The following NUP210L variants were observed in gnomAD, a reference collection of about 807,000 sequenced individuals.
The protein encoded by NUP210L is nuclear pore membrane glycoprotein 210-like.
A neutral mutation model predicts 208.5 loss-of-function variants in NUP210L; 74 were observed. The ratio of observed to expected loss-of-function variants is 0.35; its 90% CI spans 0.29 to 0.43. The LOEUF is 0.43. Ranked by LOEUF, NUP210L falls within the 20% of genes least tolerant of loss-of-function variation. NUP210L has a pLI of 1.00. For missense variants in NUP210L, 1,843 were observed against 2,289.4 expected, an observed-to-expected ratio of 0.81 and a Z score of 3.98; for synonymous variants, 780 against 816.9, an observed-to-expected ratio of 0.95 and a Z score of 0.77.
At chr1:154,100,418 C>G (rs1171070653) in intron 13 of NUP210L, among the ~76,000 whole-genome samples, 1 of 150,316 alleles carries the variant, frequency 6.7e-6, no homozygotes, top group Non-Finnish European at 1.5e-5. Flanking sequence ...ACCACTACAC[C>G]CCAGCCTGGG....
At chr1:154,132,798 A>G (rs553300193) in intron 7 of NUP210L, among the ~76,000 whole-genome samples, 118 of 152,346 alleles carry the variant, frequency 7.7e-4, no homozygotes, top group African/African-American at 2.7e-3. Context: ...CCTTAAAATG[A>G]CTAAAAAGCA....
intron 36 of NUP210L, among the ~76,000 whole-genome samples, chr1:154,001,364 A>G (rs1650202509): frequency 6.6e-6 from 1 of 152,012 alleles, no homozygotes; most frequent in Admixed American, 6.6e-5. Context: ...CGTCCAGCTA[A>G]TTTTTGTACT....
chr1:154,007,347 C>T (rs1231929382), intron 35 of NUP210L, among the ~76,000 whole-genome samples: 1 of 149,520 alleles, frequency 6.7e-6, no homozygotes, highest in Non-Finnish European at 1.5e-5. Context: ...ACCGCAACCT[C>T]CACTTCCTGG....
intron 10 of NUP210L, among the ~76,000 whole-genome samples, chr1:154,126,025 C>T (rs1416174901): frequency 6.6e-6 from 1 of 151,788 alleles, no homozygotes; most frequent in African/African-American, 2.4e-5. Context: ...GCCTCGGCCT[C>T]CCAAAGTGCT....
intron 27 of NUP210L, 105 bp from the exon 28 acceptor site, chr1:154,030,159 A>C: frequency 1.3e-6 from 1 of 793,388 alleles, no homozygotes; most frequent in Non-Finnish European, 1.8e-6. Context: ...ATTAAAAATA[A>C]AAAGTCAGGA....
chr1:153,998,272 C>T (rs1046087546), intron 37 of NUP210L, among the ~76,000 whole-genome samples: 1 of 151,966 alleles, frequency 6.6e-6, no homozygotes. Context: ...TAAAGATGCA[C>T]GGCCAGGCGC....
chr1:154,023,153 G>A, exon 31 of NUP210L: 1 of 1,613,988 alleles, frequency 6.2e-7, no homozygotes, highest in South Asian at 1.1e-5. Context: ...TGGGTATTGT[G>A]TGTGTGGAAT....
intron 27 of NUP210L, among the ~76,000 whole-genome samples, chr1:154,030,748 T>C (rs1364129694): frequency 6.6e-6 from 1 of 151,668 alleles, no homozygotes; most frequent in East Asian, 1.9e-4. Context: ...TGGTTTTTTT[T>C]TGAGACAGGG....
intron 12 of NUP210L, among the ~76,000 whole-genome samples, chr1:154,108,642 A>C (rs1354360210): frequency 2.0e-5 from 3 of 151,736 alleles, no homozygotes; most frequent in African/African-American, 4.9e-5. Flanking sequence ...AATCACCTTC[A>C]CAAAAAGGAA....
intron 23 of NUP210L, among the ~76,000 whole-genome samples, chr1:154,055,663 T>C (rs1653828415): frequency 6.6e-6 from 1 of 152,180 alleles, no homozygotes; most frequent in African/African-American, 2.4e-5. Flanking sequence ...CTCAAAGTGC[T>C]GGGATTACAG....
chr1:154,043,717 C>T (rs1479099736), intron 27 of NUP210L, among the ~76,000 whole-genome samples: 1 of 151,354 alleles, frequency 6.6e-6, no homozygotes, highest in African/African-American at 2.4e-5. Context: ...ACCTGCACCT[C>T]CTGAGTTCAA....
chr1:154,143,695 T>C, intron 2 of NUP210L, 118 bp from the exon 3 acceptor site: 1 of 806,088 alleles, frequency 1.2e-6, no homozygotes, highest in African/African-American at 1.7e-5. Flanking sequence ...GACTGCTGCT[T>C]TTACCTATGG....
intron 38 of NUP210L, among the ~76,000 whole-genome samples, chr1:153,993,567 G>GAAA (rs1211758853): frequency 8.1e-6 from 1 of 122,872 alleles, no homozygotes; most frequent in Non-Finnish European, 1.8e-5. Context: ...CTCTGTCTCA[G>GAAA]AAAAAAAAAA....
intron 27 of NUP210L, among the ~76,000 whole-genome samples, chr1:154,041,127 CCTA>C (rs1652849810): frequency 6.6e-6 from 1 of 151,776 alleles, no homozygotes; most frequent in Admixed American, 6.6e-5. Context: ...ACCACACCTA[CCTA>C]ATTTTAAAAC....
At chr1:154,065,990 A>G (rs1203856628) in intron 17 of NUP210L, among the ~76,000 whole-genome samples, 1 of 151,936 alleles carries the variant, frequency 6.6e-6, no homozygotes, top group Non-Finnish European at 1.5e-5. Context: ...GCACAACTAC[A>G]TGATGGAAAC....
chr1:154,034,391 A>C (rs758060790), intron 27 of NUP210L, among the ~76,000 whole-genome samples: 2 of 152,022 alleles, frequency 1.3e-5, no homozygotes, highest in Non-Finnish European at 2.9e-5. Flanking sequence ...GTGCAGTGGC[A>C]TGATCTTGGC....
At chr1:154,068,767 T>C (rs548725487) in intron 17 of NUP210L, among the ~76,000 whole-genome samples, 18 of 151,828 alleles carry the variant, frequency 1.2e-4, no homozygotes, top group African/African-American at 2.2e-4. Context: ...TAGGTGGGAA[T>C]TGAACAATGA....
At chr1:154,012,198 C>T (rs374815349) in intron 34 of NUP210L, 46 bp downstream of exon 34, 40 of 1,586,086 alleles carry the variant, frequency 2.5e-5, no homozygotes, top group East Asian at 1.1e-4. Flanking sequence ...TGAGGGAAAA[C>T]GAGAAAGATA....
chr1:154,104,055 A>G (rs749311244), exon 13 of NUP210L: 2 of 1,614,100 alleles, frequency 1.2e-6, no homozygotes, highest in Non-Finnish European at 1.7e-6. Flanking sequence ...CCATGTTCAG[A>G]TCCAAGGATA....
Sources: gnomAD v4.1 joint callset for allele counts (sites outside exome capture counted in the v4.1 genomes callset) on GRCh38, gnomAD v4.1.1 for gene constraint, MANE v1.5 for transcripts, NCBI Gene and HGNC (gene_info 2026-07-23, HGNC 2026-07-21) for gene names.